TENM3: variants seen among roughly 807,000 people sequenced by gnomAD.
TENM3 encodes the protein teneurin-3.
In TENM3, 63 loss-of-function variants were observed where a neutral mutation model predicts 255.1. That is an observed-to-expected ratio of 0.25 (90% CI 0.20 to 0.30). The LOEUF is 0.30. TENM3 is among the 10% of genes least tolerant of loss of function. The pLI, the probability that TENM3 is intolerant of heterozygous loss-of-function variation, is 1.00. For missense variants in TENM3, 2,929 were observed against 3,461.1 expected (o/e 0.85, Z 3.86); for synonymous variants, 1,306 against 1,322.3 (o/e 0.99, Z 0.27).
the TENM3 span, among the ~76,000 whole-genome samples, chr4:181,791,352 C>T: frequency 1.3e-5 from 2 of 152,144 alleles, no homozygotes; most frequent in East Asian, 3.9e-4. Context: ...TGTTTGAAGT[C>T]TCTAGCCTGC....
At chr4:181,838,607 G>A in the TENM3 span, among the ~76,000 whole-genome samples, 1 of 152,090 alleles carries the variant, frequency 6.6e-6, no homozygotes, top group Non-Finnish European at 1.5e-5. Flanking sequence ...ACAATATTAA[G>A]AGTTTCTATT....
chr4:181,856,916 T>C, the TENM3 span, among the ~76,000 whole-genome samples: 1 of 152,216 alleles, frequency 6.6e-6, no homozygotes, highest in African/African-American at 2.4e-5. Flanking sequence ...GTTTCAGGGC[T>C]TATTCTGTCA....
At chr4:182,756,458 G>A (rs1762752385) in intron 22 of TENM3, among the ~76,000 whole-genome samples, 1 of 152,170 alleles carries the variant, frequency 6.6e-6, no homozygotes, top group South Asian at 2.1e-4. Flanking sequence ...TTGTTCACTT[G>A]ACTCGGTTGT....
chr4:182,040,671 G>A, the TENM3 span, among the ~76,000 whole-genome samples: 1 of 152,084 alleles, frequency 6.6e-6, no homozygotes, highest in Non-Finnish European at 1.5e-5. Context: ...ACCCTGCCCA[G>A]CTTTCTGAAA....
At chr4:182,783,701 C>T (rs1012276912) in intron 24 of TENM3, among the ~76,000 whole-genome samples, 64 of 144,412 alleles carry the variant, frequency 4.4e-4, no homozygotes, top group East Asian at 9.6e-4. Context: ...ACCAATCAGA[C>T]GTAGATACGG....
chr4:182,287,424 A>C (rs1760801199), intron 1 of TENM3, among the ~76,000 whole-genome samples: 1 of 152,096 alleles, frequency 6.6e-6, no homozygotes, highest in African/African-American at 2.4e-5. Flanking sequence ...TCCGCTTGAA[A>C]TGCCCTTTCA....
At chr4:181,693,502 G>T in the TENM3 span, among the ~76,000 whole-genome samples, 2 of 152,308 alleles carry the variant, frequency 1.3e-5, no homozygotes, top group East Asian at 3.9e-4. Flanking sequence ...AGCCATCCAG[G>T]AAGAGTGCAG....
intron 3 of TENM3, among the ~76,000 whole-genome samples, chr4:182,358,599 C>A (rs1443085679): frequency 6.6e-6 from 1 of 151,834 alleles, no homozygotes; most frequent in Non-Finnish European, 1.5e-5. Context: ...GGTTGCTTAT[C>A]AGCTTAAGGA....
At chr4:182,028,061 A>G in the TENM3 span, among the ~76,000 whole-genome samples, 3 of 152,060 alleles carry the variant, frequency 2.0e-5, no homozygotes, top group Non-Finnish European at 1.5e-5. Flanking sequence ...TTCTTCTTTA[A>G]ATGTTTGGTA....
intron 3 of TENM3, among the ~76,000 whole-genome samples, chr4:182,586,370 A>G (rs540350496): frequency 6.6e-6 from 1 of 152,300 alleles, no homozygotes; most frequent in African/African-American, 2.4e-5. Context: ...ACGTGATCTT[A>G]CTTCGATGTT....
the TENM3 span, among the ~76,000 whole-genome samples, chr4:182,015,111 T>A: frequency 1.3e-5 from 2 of 152,242 alleles, no homozygotes; most frequent in Non-Finnish European, 2.9e-5. Flanking sequence ...TCCCCTGCTC[T>A]ACTTCTTCTT....
chr4:182,501,297 T>C (rs1459806617), intron 3 of TENM3, among the ~76,000 whole-genome samples: 1 of 148,278 alleles, frequency 6.7e-6, no homozygotes, highest in Non-Finnish European at 1.5e-5. Flanking sequence ...ATAAGAAATG[T>C]AAAATGAAAA....
In TENM3 at chr4:182,743,221, C is replaced by T. The variant is rs765300922; in HGVS notation, c.3431C>T (p.Pro1144Leu). The change falls in exon 19 of 28, where the codon CCA (proline) becomes CTA (leucine). Residue 1144 changes from proline (P) to leucine (L), a missense_variant. By Grantham distance (98) the Pro-to-Leu change is moderately conservative. Transcript: ENST00000511685. ...AACCAGTTCATCTCCCAGCAGCCTC[C>T]AGTCGTGAGTAGCATCATGGGCAAT... is the stretch of plus-strand genomic sequence containing the variant. ...GENQFISQQP[P>L]VVSSIMGNGR... 10 of 1,613,798 alleles carry T rather than the reference C, an allele frequency of 6.2e-6. No individual in the cohort carries two copies. The highest frequency in any genetic ancestry group is 8.5e-6 in the Non-Finnish European group (10 of 1,179,822).
the TENM3 span, among the ~76,000 whole-genome samples, chr4:181,608,397 C>T: frequency 6.6e-6 from 1 of 152,072 alleles, no homozygotes. Context: ...TGGAGGGGGT[C>T]CAAAGTTGCT....
At chr4:182,100,844 T>C in the TENM3 span, among the ~76,000 whole-genome samples, 9 of 10,432 alleles carry the variant, frequency 8.6e-4, 1 homozygote, top group African/African-American at 1.1e-3. Context: ...TATATACTCA[T>C]ATATATATAT....
At chr4:181,474,829 G>T in the TENM3 span, among the ~76,000 whole-genome samples, 1 of 151,712 alleles carries the variant, frequency 6.6e-6, no homozygotes, top group African/African-American at 2.4e-5. Flanking sequence ...ATGGCAAACA[G>T]ACAAAGCAGA....
intron 4 of TENM3, among the ~76,000 whole-genome samples, chr4:182,616,032 G>A (rs183937062): frequency 7.6e-4 from 116 of 152,328 alleles, no homozygotes; most frequent in African/African-American, 2.6e-3. Context: ...TTTCACCCCA[G>A]ACCTACTGTT....
chr4:182,579,549 A>G (rs950466487), intron 3 of TENM3, among the ~76,000 whole-genome samples: 1 of 152,230 alleles, frequency 6.6e-6, no homozygotes, highest in African/African-American at 2.4e-5. Context: ...GGCAGAGAGT[A>G]TAAAACGAGG....
intron 4 of TENM3, among the ~76,000 whole-genome samples, chr4:182,614,098 C>T (rs1486310868): frequency 6.6e-6 from 1 of 152,094 alleles, no homozygotes; most frequent in Non-Finnish European, 1.5e-5. Context: ...CTTTTGTTTT[C>T]CCATCAAAGT....
Sources: allele counts gnomAD v4.1 joint callset (sites outside exome capture counted in the v4.1 genomes callset), GRCh38; gene constraint gnomAD v4.1.1; transcripts MANE v1.5; gene names NCBI Gene and HGNC (gene_info 2026-07-23, HGNC 2026-07-21).